Variants in EPS15L1 observed in about 807,000 individuals in gnomAD.
The protein encoded by EPS15L1 is epidermal growth factor receptor pathway substrate 15 like 1.
Under a neutral mutation model 117.1 loss-of-function variants are expected in EPS15L1, and 43 were observed. That is an observed-to-expected ratio of 0.37 (90% CI 0.29 to 0.47). The LOEUF (loss-of-function observed/expected upper bound fraction) is 0.47, where lower values mean the gene tolerates loss of function less well. EPS15L1 is among the 20% of genes least tolerant of loss of function. The pLI is 0.99. For synonymous variants in EPS15L1, 459 were observed against 470.5 expected, an observed-to-expected ratio of 0.98 and a Z score of 0.32; for missense variants, 981 against 1,164.0, an observed-to-expected ratio of 0.84 and a Z score of 2.29.
chr19:16,402,227 A>G, intron 16 of EPS15L1, 94 bp downstream of exon 16: 5 of 1,484,840 alleles, frequency 3.4e-6, no homozygotes, highest in Non-Finnish European at 3.6e-6. Flanking sequence ...GCTGGAACCA[A>G]CGTTGGCCAT....
rs2092217148 is a variant in EPS15L1, at chr19:16,371,041, T to C, written c.2380+6081A>G. Among the ~76,000 whole-genome samples, 1 of 152,262 alleles carries C rather than the reference T, an allele frequency of 6.6e-6. No individual in the cohort carries two copies. On this transcript the variant is annotated intron_variant, in intron 22 of 23. Transcript: ENST00000455140. The surrounding 1 kb of genome is among the most constrained non-coding windows in gnomAD (Gnocchi z 4.7). ...CCACCGGATTATCTCTCTGAGATCA[T>C]CGTGGGAACGAAATTGAAGTAGTTA...
chr19:16,390,411 G>A (rs2092463975), intron 19 of EPS15L1, among the ~76,000 whole-genome samples: 1 of 152,144 alleles, frequency 6.6e-6, no homozygotes, highest in Non-Finnish European at 1.5e-5. Context: ...CACAATCATA[G>A]GAGAATGTTT....
intron 4 of EPS15L1, among the ~76,000 whole-genome samples, chr19:16,438,208 C>A (rs1038866099): frequency 3.3e-5 from 5 of 152,074 alleles, no homozygotes; most frequent in Admixed American, 1.3e-4. Flanking sequence ...TAAAAATCAG[C>A]CAGGCGTGGT....
rs2051977159 is a variant in EPS15L1 at position 16,365,183 on chromosome 19, C to T, written c.2381-3199G>A. 6.6e-6 allele frequency among the ~76,000 whole-genome samples: 1 copy of T among 152,226 alleles called. No homozygotes were observed. The highest frequency in any genetic ancestry group is 1.5e-5 in the Non-Finnish European group (1 of 68,032). On this transcript the variant is annotated intron_variant, in intron 22 of 23. Coordinates refer to ENST00000455140, the MANE Select transcript of EPS15L1 (RefSeq NM_001258374.3). This position sits in a 1 kb window ranked among gnomAD's most constrained non-coding sequence, Gnocchi z 4.9. ...AGCCAAGCCCTGGGGCTGGGAGTGG[C>T]CCTGGAAGACGGTGTGGGGCATGGC...
intron 18 of EPS15L1, 37 bp downstream of exon 18, chr19:16,393,914 C>T (rs1429616164): frequency 1.9e-6 from 3 of 1,605,310 alleles, no homozygotes; most frequent in Non-Finnish European, 2.6e-6. Context: ...GGACTGGACA[C>T]AGTCTAAAGA....
intron 23 of EPS15L1, among the ~76,000 whole-genome samples, chr19:16,358,843 T>C (rs2092015852): frequency 6.6e-6 from 1 of 152,234 alleles, no homozygotes; most frequent in African/African-American, 2.4e-5. Flanking sequence ...GCCTAGCTGA[T>C]CTGGTATTTG....
chr19:16,444,109 C>T (rs2093060126), intron 1 of EPS15L1, among the ~76,000 whole-genome samples: 1 of 132,212 alleles, frequency 7.6e-6, no homozygotes, highest in African/African-American at 2.8e-5. Context: ...AGAAAACTAC[C>T]ATGACAAAAT....
At chr19:16,416,734 A>T (rs2144916534) in intron 12 of EPS15L1, among the ~76,000 whole-genome samples, 1 of 152,142 alleles carries the variant, frequency 6.6e-6, no homozygotes, top group South Asian at 2.1e-4. Flanking sequence ...TAGGAAACAG[A>T]TGCTACAGTG....
intron 1 of EPS15L1, among the ~76,000 whole-genome samples, chr19:16,450,154 G>A (rs565494733): frequency 1.3e-5 from 2 of 152,206 alleles, no homozygotes; most frequent in Admixed American, 6.5e-5. Context: ...GGCTGAGGCA[G>A]AAGGATTACC....
chr19:16,428,847 C>T (rs1471225542), intron 7 of EPS15L1, 86 bp from the exon 8 acceptor site: 6 of 1,069,428 alleles, frequency 5.6e-6, no homozygotes, highest in Admixed American at 2.0e-5. Context: ...GACTCTCAGC[C>T]GTGGCACTCA....
At chr19:16,449,143 G>A (rs1189839967) in intron 1 of EPS15L1, among the ~76,000 whole-genome samples, 2 of 151,756 alleles carry the variant, frequency 1.3e-5, no homozygotes, top group African/African-American at 2.4e-5. Flanking sequence ...GCGTCGTGGT[G>A]CACACCTGTA....
In EPS15L1 at chr19:16,371,170, G is replaced by A. The variant is rs2092219249; in HGVS notation, c.2380+5952C>T. On this transcript the variant is annotated intron_variant, in intron 22 of 23. Coordinates refer to ENST00000455140, the MANE Select transcript of EPS15L1 (RefSeq NM_001258374.3). The surrounding 1 kb of genome is among the most constrained non-coding windows in gnomAD (Gnocchi z 4.7). ...GGTTTTGGGACCCACATGGGCACAT[G>A]ATGGGGAGAGGTCACTGAGCCCTGG... Among the ~76,000 whole-genome samples the A allele has an allele frequency of 6.6e-6, 1 of 152,210 alleles. No homozygotes were observed. The highest frequency in any genetic ancestry group is 1.5e-5 in the Non-Finnish European group (1 of 68,042).
At chr19:16,409,781 C>A (rs1197334622) in intron 13 of EPS15L1, among the ~76,000 whole-genome samples, 1 of 151,772 alleles carries the variant, frequency 6.6e-6, no homozygotes, top group Non-Finnish European at 1.5e-5. Flanking sequence ...CTACTAAAAA[C>A]ACAAAAATTA....
chr19:16,403,972 C>A lies in EPS15L1; in HGVS notation c.1429-42G>T. The A allele has an allele frequency of 1.9e-6, 3 of 1,560,424 alleles. No individual in the cohort carries two copies. In the South Asian group the frequency reaches 3.4e-5, roughly 18 times the overall value. ...AAAGATGTTAAAGAGATTCACAGTG[C>A]AGGATGAAATGGGACTCCGAGAAAG... On this transcript the variant is annotated intron_variant, in intron 14 of 23. Transcript: ENST00000455140.
At chr19:16,415,660 T>A (rs924893038) in intron 12 of EPS15L1, among the ~76,000 whole-genome samples, 1 of 152,242 alleles carries the variant, frequency 6.6e-6, no homozygotes, top group African/African-American at 2.4e-5. Context: ...CAGAGCCACC[T>A]GCTCAAGGGG....
Position 16,404,589 on chromosome 19 carries a change from A to G in EPS15L1, c.1427T>C (p.Met476Thr), listed in dbSNP as rs1031330490. The G allele has an allele frequency of 6.2e-7, 1 of 1,614,014 alleles. No individual in the cohort carries two copies. The highest frequency in any genetic ancestry group is 1.7e-5 in the Admixed American group (1 of 60,014). The change falls in exon 14 of 24, where the codon ATG (methionine) becomes ACG (threonine). Residue 476 changes from methionine to threonine, a missense_variant and splice_region_variant. By Grantham distance (81) the Met-to-Thr change is moderately conservative. This residue lies in a region of EPS15L1 where 819 missense variants were observed against 949.0 expected (regional missense o/e 0.86). Transcript: ENST00000455140. The surrounding 1 kb of genome is among the most constrained non-coding windows in gnomAD (Gnocchi z 4.2). ...VRQKCQDETQ[M>T]ISSLKTQIQS... ...GCCCCGGAGGTGGCCGGGACCCACCATCTGAGTCTCATCCTGGCACTTCTG... is the reference window on the plus strand; with the variant it reads ...GCCCCGGAGGTGGCCGGGACCCACCGTCTGAGTCTCATCCTGGCACTTCTG...
intron 22 of EPS15L1, among the ~76,000 whole-genome samples, chr19:16,369,430 C>T (rs979394021): frequency 6.6e-5 from 10 of 152,280 alleles, no homozygotes; most frequent in Admixed American, 4.6e-4. Context: ...CACTGCTGGC[C>T]GCTGTGTTTT....
At chr19:16,426,564 A>C (rs1190309544) in intron 8 of EPS15L1, among the ~76,000 whole-genome samples, 1 of 152,144 alleles carries the variant, frequency 6.6e-6, no homozygotes, top group South Asian at 2.1e-4. Flanking sequence ...GCTTGAATCC[A>C]GGAGGTGGAG....
chr19:16,419,257 G>A (rs966448377), intron 10 of EPS15L1, among the ~76,000 whole-genome samples: 2 of 152,140 alleles, frequency 1.3e-5, no homozygotes, highest in Non-Finnish European at 2.9e-5. Flanking sequence ...TCAGGAGTTC[G>A]AGACCAGCTT....
Sources: gnomAD v4.1 joint callset for allele counts (sites outside exome capture counted in the v4.1 genomes callset) on GRCh38, gnomAD v4.1.1 for gene constraint, gnomAD v4.1.1 regional missense constraint, Gnocchi (gnomAD v3.1) non-coding constraint, MANE v1.5 for transcripts, NCBI Gene and HGNC (gene_info 2026-07-23, HGNC 2026-07-21) for gene names.